ITPRID2: variants seen among roughly 807,000 people sequenced by gnomAD.
The protein encoded by ITPRID2 is protein ITPRID2.
ITPRID2 carries 60 observed loss-of-function variants against 124.3 expected under a neutral mutation model. The ratio of observed to expected loss-of-function variants is 0.48; its 90% CI spans 0.39 to 0.60. The LOEUF is 0.60. ITPRID2 is among the 20% of genes least tolerant of loss of function. The probability of loss-of-function intolerance (pLI) is 0.00; values close to 1 mark genes in which losing one functional copy is unlikely to be tolerated. For synonymous variants in ITPRID2, 521 were observed against 542.9 expected, an observed-to-expected ratio of 0.96 and a Z score of 0.56; for missense variants, 1,553 against 1,512.2, an observed-to-expected ratio of 1.03 and a Z score of -0.45.
chr2:181,923,906 C>A (rs949932838), intron 16 of ITPRID2, among the ~76,000 whole-genome samples: 1 of 152,064 alleles, frequency 6.6e-6, no homozygotes, highest in South Asian at 2.1e-4. Context: ...TTATAAGACA[C>A]AGCATATAGA....
chr2:181,921,206 G>A (rs1289718072), intron 15 of ITPRID2, among the ~76,000 whole-genome samples: 1 of 148,902 alleles, frequency 6.7e-6, no homozygotes, highest in African/African-American at 2.5e-5. Context: ...AGCCAGGTGT[G>A]GTGGCTCATG....
In ITPRID2 at chr2:181,900,679, G is replaced by GC. The variant is rs1466948882; in HGVS notation, c.504-12dup. 6.5e-7 allele frequency: 1 copy of GC among 1,547,508 alleles called. No individual in the cohort carries two copies. The highest frequency in any genetic ancestry group is 1.4e-5 in the African/African-American group (1 of 71,904). Reference sequence around the variant, plus strand: ...TTTATATTTTCATGTTTCCTTTTTTGCCCCCTTTTTTTGTAGTGTTTCAGA... The same window carrying GC: ...TTTATATTTTCATGTTTCCTTTTTTGCCCCCCTTTTTTTGTAGTGTTTCAGA... On this transcript the variant is annotated splice_polypyrimidine_tract_variant and intron_variant, in intron 6 of 17. Transcript: ENST00000431877.
At chr2:181,917,062 T>C (rs992670174) in intron 11 of ITPRID2, 5 of 964,468 alleles carry the variant, frequency 5.2e-6, no homozygotes, top group African/African-American at 3.5e-5. Context: ...TTAAAGTCAT[T>C]CTCAGATTTG....
chr2:181,919,895 A>G lies in ITPRID2; in HGVS notation c.3144+449A>G, dbSNP rs373442209. Reference sequence around the variant, plus strand: ...TTCTTTTCCATTTGTTTTTAAAGGAATCAAATGATACCTGTATATTTTCAT... The same window carrying G: ...TTCTTTTCCATTTGTTTTTAAAGGAGTCAAATGATACCTGTATATTTTCAT... On this transcript the variant is annotated intron_variant, in intron 14 of 17. Transcript: ENST00000431877. This position sits in a 1 kb window ranked among gnomAD's most constrained non-coding sequence, Gnocchi z 4.2. Among the ~76,000 whole-genome samples, 10 of 152,056 alleles carry G rather than the reference A, an allele frequency of 6.6e-5. 1 individual carries two copies. Among genetic ancestry groups the G allele is most frequent in the Admixed American group, 6.5e-4 (10 of 15,270 alleles).
intron 2 of ITPRID2, chr2:181,893,507 G>A (rs1691931052): frequency 6.6e-6 from 1 of 152,080 alleles, no homozygotes; most frequent in Non-Finnish European, 1.5e-5. Flanking sequence ...TGATTCATAT[G>A]CCAGTTTGCC....
intron 2 of ITPRID2, among the ~76,000 whole-genome samples, chr2:181,894,993 CA>C (rs1384334532): frequency 6.6e-6 from 1 of 151,822 alleles, no homozygotes; most frequent in Non-Finnish European, 1.5e-5. Context: ...AAAATATATG[CA>C]AAAAATAGAT....
At chr2:181,926,919 A>G (rs916403518) in intron 16 of ITPRID2, among the ~76,000 whole-genome samples, 7 of 152,184 alleles carry the variant, frequency 4.6e-5, no homozygotes, top group Non-Finnish European at 8.8e-5. Context: ...TCTGGTTTTT[A>G]AAATATTTGT....
At chr2:181,900,672 C>CT in intron 6 of ITPRID2, 24 bp from the exon 7 acceptor site, 3 of 1,533,548 alleles carry the variant, frequency 2.0e-6, no homozygotes, top group Non-Finnish European at 2.7e-6. Context: ...TTCATGTTTC[C>CT]TTTTTTGCCC....
At chr2:181,929,128 G>A (rs1382739565) in intron 17 of ITPRID2, among the ~76,000 whole-genome samples, 1 of 151,306 alleles carries the variant, frequency 6.6e-6, no homozygotes, top group African/African-American at 2.4e-5. Flanking sequence ...TTGCTATGTT[G>A]CCCACGCTAG....
Position 181,892,709 on chromosome 2 carries a change from G to C in ITPRID2, c.257+49G>C, listed in dbSNP as rs758992295. ...CGTCCCGGGGGAGATCCGTGCGGACGGGACGCCGGAGCAGAGCCACTCGGG... is the reference window on the plus strand; with the variant it reads ...CGTCCCGGGGGAGATCCGTGCGGACCGGACGCCGGAGCAGAGCCACTCGGG... On this transcript the variant is annotated intron_variant, in intron 2 of 17. Transcript: ENST00000431877. The surrounding 1 kb of genome is among the most constrained non-coding windows in gnomAD (Gnocchi z 5.2). The C allele has an allele frequency of 1.6e-5, 26 of 1,610,868 alleles. No individual in the cohort carries two copies. Among genetic ancestry groups the C allele is most frequent in the South Asian group, 4.4e-5 (4 of 91,012 alleles).
intron 8 of ITPRID2, among the ~76,000 whole-genome samples, chr2:181,909,585 G>A (rs1311738876): frequency 2.6e-5 from 4 of 152,128 alleles, no homozygotes; most frequent in Non-Finnish European, 5.9e-5. Flanking sequence ...TGACTACGAT[G>A]TTCTTTACTA....
intron 4 of ITPRID2, among the ~76,000 whole-genome samples, chr2:181,898,378 A>C (rs1029634192): frequency 6.6e-6 from 1 of 152,086 alleles, no homozygotes; most frequent in African/African-American, 2.4e-5. Flanking sequence ...GAAAGTTTAT[A>C]TTGAAATAAG....
chr2:181,897,074 G>C (rs1558978789), intron 4 of ITPRID2, 110 bp downstream of exon 4: 1 of 893,562 alleles, frequency 1.1e-6, no homozygotes, highest in Non-Finnish European at 1.8e-6. Context: ...TAAAGGTCTT[G>C]AAAATGGCTC....
Position 181,915,979 on chromosome 2 carries a change from A to G in ITPRID2, c.2339A>G (p.Glu780Gly), listed in dbSNP as rs139708054. The change falls in exon 11 of 18, where the codon GAG becomes GGG. Residue 780 changes from glutamate to glycine, a missense_variant. Coordinates refer to ENST00000431877, the MANE Select transcript of ITPRID2 (RefSeq NM_001130445.3). ...ACCTATAAGTACACACCTGAAGAGG[A>G]GCAGGAATTGGAAAAGCGGGTGATG... ...SFTYKYTPEEEQELEKRVMEH... is the reference protein window; with the variant it reads ...SFTYKYTPEEGQELEKRVMEH... 2.1e-5 allele frequency: 34 copies of G among 1,614,102 alleles called. No individual in the cohort carries two copies. The highest frequency in any genetic ancestry group is 2.9e-5 in the Non-Finnish European group (34 of 1,180,044).
chr2:181,918,860 C>T lies in ITPRID2; in HGVS notation c.2971C>T (p.His991Tyr), dbSNP rs1435261818. The change falls in exon 13 of 18, where the codon CAT becomes TAT. Residue 991 changes from histidine (H) to tyrosine (Y), a missense_variant. Physicochemically the swap from His to Tyr is moderately conservative, Grantham distance 83 (BLOSUM62 2). Transcript: ENST00000431877. ...AMLRQQTMVYHHMTEEERFEV... is the reference protein window; with the variant it reads ...AMLRQQTMVYYHMTEEERFEV... ...GCTGCGTCAGCAAACCATGGTTTAT[C>T]ATCATATGACTGAGGAGGAGAGGTA... 6.2e-6 allele frequency: 10 copies of T among 1,614,152 alleles called. No individual in the cohort carries two copies. The highest frequency in any genetic ancestry group is 8.5e-6 in the Non-Finnish European group (10 of 1,180,024).
intron 4 of ITPRID2, among the ~76,000 whole-genome samples, chr2:181,897,671 G>C (rs1452884877): frequency 6.6e-6 from 1 of 151,858 alleles, no homozygotes; most frequent in African/African-American, 2.4e-5. Context: ...ATTCATAGCT[G>C]TATAGCTCAG....
Position 181,892,768 on chromosome 2 carries a change from C to A in ITPRID2, c.257+108C>A. On this transcript the variant is annotated intron_variant, in intron 2 of 17. Transcript: ENST00000431877. This position sits in a 1 kb window ranked among gnomAD's most constrained non-coding sequence, Gnocchi z 5.2. ...CTGTGGGTCCCGCGACCGTTGTAAG[C>A]TACAAACCGGAAAGTGAGCCGGCGG... 7.4e-7 allele frequency: 1 copy of A among 1,352,196 alleles called. No individual in the cohort carries two copies. The highest frequency in any genetic ancestry group is 1.0e-6 in the Non-Finnish European group (1 of 955,924). The allele number at this position is 1,352,196 out of a possible 1,614,324, so 83.8% of individuals were successfully genotyped here.
intron 8 of ITPRID2, among the ~76,000 whole-genome samples, chr2:181,903,453 A>C (rs1484008401): frequency 1.3e-5 from 2 of 152,222 alleles, no homozygotes; most frequent in Non-Finnish European, 2.9e-5. Flanking sequence ...AGGGAATTAG[A>C]AAATGAAATA....
At position 181,913,918 on chromosome 2, in the gene ITPRID2, C is replaced by T. The variant is rs1693828225; in HGVS notation, c.1560C>T (p.Ser520=). The T allele has an allele frequency of 6.2e-7, 1 of 1,612,088 alleles. No individual in the cohort carries two copies. The highest frequency in any genetic ancestry group is 1.3e-5 in the African/African-American group (1 of 74,838). ...CTGAAGATTCTACAGACTGCCTATC[C>T]CTTAATCATCTTCAGGTAAAATTTT... ...GFAEDSTDCL[S]LNHLQVQESL... is the part of the protein sequence containing the mutation. The change falls in exon 10 of 18, where the codon TCC becomes TCT. Residue 520 remains serine, a synonymous_variant. Coordinates refer to ENST00000431877, the MANE Select transcript of ITPRID2 (RefSeq NM_001130445.3).
Sources: gnomAD v4.1 joint callset for allele counts (sites outside exome capture counted in the v4.1 genomes callset) on GRCh38, gnomAD v4.1.1 for gene constraint, Gnocchi (gnomAD v3.1) non-coding constraint, MANE v1.5 for transcripts, NCBI Gene and HGNC (gene_info 2026-07-23, HGNC 2026-07-21) for gene names.